Variants in TNPO1 observed in about 807,000 individuals in gnomAD.
The protein encoded by TNPO1 is transportin 1.
In TNPO1, 8 loss-of-function variants were observed where a neutral mutation model predicts 119.5. The ratio of observed to expected loss-of-function variants is 0.07; its 90% CI spans 0.04 to 0.12. The LOEUF is 0.12. TNPO1 is among the 10% of genes least tolerant of loss of function. TNPO1 has a pLI of 1.00. For missense variants in TNPO1, 576 were observed against 1,089.8 expected, an observed-to-expected ratio of 0.53 and a Z score of 6.64; for synonymous variants, 362 against 363.0, an observed-to-expected ratio of 1.00 and a Z score of 0.03.
At chr5:72,873,494 C>T (rs1164478377) in intron 7 of TNPO1, among the ~76,000 whole-genome samples, 3 of 152,030 alleles carry the variant, frequency 2.0e-5, no homozygotes, top group Non-Finnish European at 4.4e-5. Context: ...TACCAATAAA[C>T]TAAGAGTAGT....
chr5:72,906,594 A>AG (rs1395855604), intron 24 of TNPO1, among the ~76,000 whole-genome samples: 1 of 152,120 alleles, frequency 6.6e-6, no homozygotes, highest in Non-Finnish European at 1.5e-5. Context: ...CCCAGTGCCT[A>AG]GGACTATATT....
Position 72,887,372 on chromosome 5 carries a change from T to C in TNPO1, c.1303+150T>C, listed in dbSNP as rs968502668. The C allele has an allele frequency of 7.8e-5, 69 of 884,564 alleles. No individual in the cohort carries two copies. The South Asian group carries it at 1.6e-3, about 21-fold the overall frequency. 54.8% of individuals were successfully genotyped at this position (884,564 alleles called of 1,614,324 possible). ...CCGTCTTCTAACCCCAGCTAGATAT[T>C]TTGCAAAATGTTTTTGTTATAATAA... On this transcript the variant is annotated intron_variant, in intron 12 of 24. Transcript: ENST00000337273.
At chr5:72,888,990 G>A (rs993415928) in intron 13 of TNPO1, among the ~76,000 whole-genome samples, 16 of 151,966 alleles carry the variant, frequency 1.1e-4, no homozygotes, top group African/African-American at 3.4e-4. Context: ...TTAATTTTTC[G>A]AGTAGGTTTG....
chr5:72,842,983 C>A (rs1167199337), intron 1 of TNPO1, among the ~76,000 whole-genome samples: 3 of 152,152 alleles, frequency 2.0e-5, no homozygotes, highest in Non-Finnish European at 4.4e-5. Flanking sequence ...CCTTTCTTGA[C>A]CTCCTAACTG....
chr5:72,904,819 T>G (rs1450358653), intron 23 of TNPO1, among the ~76,000 whole-genome samples: 3 of 152,072 alleles, frequency 2.0e-5, no homozygotes, highest in African/African-American at 4.8e-5. Flanking sequence ...CAAAAAGATA[T>G]GCCCAAGACT....
intron 1 of TNPO1, among the ~76,000 whole-genome samples, chr5:72,817,601 T>G (rs1743758062): frequency 6.6e-6 from 1 of 152,226 alleles, no homozygotes; most frequent in East Asian, 1.9e-4. Context: ...AATTTGAAAT[T>G]GGAGGCTATC....
At chr5:72,817,520 G>A (rs1376541695) in intron 1 of TNPO1, among the ~76,000 whole-genome samples, 2 of 152,190 alleles carry the variant, frequency 1.3e-5, no homozygotes, top group Non-Finnish European at 2.9e-5. Flanking sequence ...ATTTTGCAAG[G>A]ATTGCTTAGA....
chr5:72,837,421 G>A (rs1744731250), intron 1 of TNPO1, among the ~76,000 whole-genome samples: 1 of 152,146 alleles, frequency 6.6e-6, no homozygotes, highest in Admixed American at 6.5e-5. Flanking sequence ...TTTTATAAGG[G>A]CATTAATTCC....
intron 18 of TNPO1, among the ~76,000 whole-genome samples, chr5:72,895,285 G>A (rs1490897311): frequency 1.3e-5 from 2 of 151,020 alleles, no homozygotes; most frequent in African/African-American, 2.4e-5. Flanking sequence ...TGAGATTTAC[G>A]TTGTTTTGTT....
intron 20 of TNPO1, 29 bp from the exon 21 acceptor site, chr5:72,899,977 G>C (rs1471516538): frequency 6.2e-7 from 1 of 1,600,952 alleles, no homozygotes; most frequent in Non-Finnish European, 8.5e-7. Flanking sequence ...GGCGTTTGGT[G>C]GTGTATAACC....
intron 7 of TNPO1, among the ~76,000 whole-genome samples, chr5:72,874,380 C>T (rs1048837569): frequency 5.3e-5 from 8 of 152,040 alleles, no homozygotes; most frequent in African/African-American, 1.9e-4. Context: ...AATGTATAAC[C>T]TTGGCAAAGC....
rs1750713192 is a variant in TNPO1 at position 72,913,805 on chromosome 5, A to G, written c.*5132A>G. 6.6e-6 allele frequency: 1 copy of G among 152,596 alleles called. No individual in the cohort carries two copies. Among genetic ancestry groups the G allele is most frequent in the Non-Finnish European group, 1.5e-5 (1 of 67,986 alleles). 9.5% of individuals were successfully genotyped at this position (152,596 alleles called of 1,614,324 possible). ...TGTGTTGTTGTTTTCCTTTGTGGAT[A>G]TATAAGCAAATTGAGCTTGGGTGAT... On this transcript the variant is annotated 3_prime_UTR_variant, in exon 25 of 25. Coordinates refer to ENST00000337273, the MANE Select transcript of TNPO1 (RefSeq NM_002270.4).
At chr5:72,890,801 TA>T (rs1748993374) in intron 14 of TNPO1, among the ~76,000 whole-genome samples, 1 of 152,192 alleles carries the variant, frequency 6.6e-6, no homozygotes, top group Admixed American at 6.5e-5. Flanking sequence ...CCTGTTGATT[TA>T]AAAATGTACT....
At chr5:72,904,096 T>C (rs1318720245) in intron 23 of TNPO1, among the ~76,000 whole-genome samples, 1 of 152,182 alleles carries the variant, frequency 6.6e-6, no homozygotes, top group African/African-American at 2.4e-5. Context: ...TGGAGTATAA[T>C]CTGAAAAAGA....
chr5:72,871,940 G>A (rs936342553), intron 6 of TNPO1: 3 of 152,162 alleles, frequency 2.0e-5, no homozygotes, highest in African/African-American at 4.8e-5. Context: ...GGAAAAAAAT[G>A]ACAACAAAGG....
intron 1 of TNPO1, among the ~76,000 whole-genome samples, chr5:72,841,076 C>T (rs79461325): frequency 2.6e-5 from 4 of 151,362 alleles, no homozygotes; most frequent in Non-Finnish European, 4.4e-5. Context: ...GCATTTTTTT[C>T]TCTTCCTTCT....
intron 4 of TNPO1, among the ~76,000 whole-genome samples, chr5:72,858,291 T>TGGTCAATC (rs1390754661): frequency 5.3e-5 from 8 of 152,326 alleles, no homozygotes; most frequent in African/African-American, 1.9e-4. Context: ...AATGGATACA[T>TGGTCAATC]TTAGTTCATT....
At chr5:72,842,144 A>G (rs775335161) in intron 1 of TNPO1, among the ~76,000 whole-genome samples, 9 of 152,184 alleles carry the variant, frequency 5.9e-5, no homozygotes, top group South Asian at 2.1e-4. Flanking sequence ...TTTTAGATCT[A>G]TTATGACTTT....
chr5:72,905,595 TTTAAAATTAC>T, intron 24 of TNPO1, 150 bp downstream of exon 24: 2 of 409,932 alleles, frequency 4.9e-6, no homozygotes, highest in Non-Finnish European at 8.6e-6. Flanking sequence ...GGGCTTTAAA[TTTAAAATTAC>T]TTAAGTGGGC....
Sources: gnomAD v4.1 joint callset for allele counts (sites outside exome capture counted in the v4.1 genomes callset) on GRCh38, gnomAD v4.1.1 for gene constraint, MANE v1.5 for transcripts, NCBI Gene and HGNC (gene_info 2026-07-23, HGNC 2026-07-21) for gene names.